The following RNGTT variants were observed in gnomAD, a reference collection of about 807,000 sequenced individuals.
RNGTT encodes mRNA-capping enzyme.
A neutral mutation model predicts 79.3 loss-of-function variants in RNGTT; 33 were observed. The ratio of observed to expected loss-of-function variants is 0.42; its 90% confidence interval spans 0.32 to 0.56. The LOEUF (loss-of-function observed/expected upper bound fraction) is 0.56, where lower values mean the gene tolerates loss of function less well. Ranked by LOEUF, RNGTT falls within the 20% of genes least tolerant of loss-of-function variation. RNGTT has a pLI of 0.17. For synonymous variants in RNGTT, 222 were observed against 235.9 expected (o/e 0.94, Z 0.54); for missense variants, 497 against 739.1 (o/e 0.67, Z 3.80).
rs568703935 is a variant in RNGTT at position 88,813,577 on chromosome 6, C to A, written c.1270-11945G>T. ...CCCTTTTGCTCGGTAACATTTTTAGCCTCATAATTACCATATACAGTAGGG... is the reference window on the plus strand; with the variant it reads ...CCCTTTTGCTCGGTAACATTTTTAGACTCATAATTACCATATACAGTAGGG... On this transcript the variant is annotated intron_variant, in intron 11 of 15. Coordinates refer to ENST00000369485, the MANE Select transcript of RNGTT (RefSeq NM_003800.5). Among the ~76,000 whole-genome samples the A allele has an allele frequency of 2.6e-5, 4 of 152,250 alleles. No homozygotes were observed. In the South Asian group the frequency reaches 8.3e-4, roughly 32 times the overall value.
chr6:88,787,991 T>TA (rs1435060150), intron 12 of RNGTT, among the ~76,000 whole-genome samples: 6 of 152,168 alleles, frequency 3.9e-5, no homozygotes, highest in African/African-American at 1.4e-4. Context: ...GAAATAGAGA[T>TA]AGAGTTTGTC....
intron 14 of RNGTT, among the ~76,000 whole-genome samples, chr6:88,662,417 C>T (rs1341961519): frequency 6.6e-6 from 1 of 152,248 alleles, no homozygotes; most frequent in Admixed American, 6.5e-5. Context: ...CACAATGTAT[C>T]ATGACCCTTT....
At chr6:88,644,967 A>T (rs1378526076) in intron 14 of RNGTT, among the ~76,000 whole-genome samples, 1 of 151,974 alleles carries the variant, frequency 6.6e-6, no homozygotes, top group Non-Finnish European at 1.5e-5. Flanking sequence ...CTCTCTCACC[A>T]CTCCTATTCA....
Position 88,929,066 on chromosome 6 carries a change from C to T in RNGTT, c.286G>A (p.Glu96Lys). 1 of 1,611,028 alleles carries T rather than the reference C, an allele frequency of 6.2e-7. No individual in the cohort carries two copies. The highest frequency in any genetic ancestry group is 8.5e-7 in the Non-Finnish European group (1 of 1,178,506). ...TCAGTATTCTCAGTGGTAGGGCACT[C>T]ACCATGTCTAGTAATATAGAAAAAG... ...YIKLQCKGHGECPTTENTETF... is the reference protein window; with the variant it reads ...YIKLQCKGHGKCPTTENTETF... The change falls in exon 4 of 16, where the codon GAG becomes AAG. Residue 96 changes from glutamate to lysine, a missense_variant. Glu to Lys is a moderately conservative substitution (Grantham distance 56, BLOSUM62 1). Transcript: ENST00000369485.
chr6:88,781,650 CCTAA>C lies in RNGTT; in HGVS notation c.1339-11780_1339-11777del, dbSNP rs569635556. On this transcript the variant is annotated intron_variant, in intron 12 of 15. Transcript: ENST00000369485. Reference sequence around the variant, plus strand: ...TTACTCCCAAATCTTCATCTTTTGTCCTAACTTTCTCCCAAATAAAAGTATGCCA... The same window carrying C: ...TTACTCCCAAATCTTCATCTTTTGTCCTTTCTCCCAAATAAAAGTATGCCA... 6.0e-4 allele frequency among the ~76,000 whole-genome samples: 91 copies of C among 152,244 alleles called. 2 individuals carry two copies. The South Asian group carries it at 0.018, about 30-fold the overall frequency.
At chr6:88,811,709 T>C (rs1404843196) in intron 11 of RNGTT, among the ~76,000 whole-genome samples, 1 of 152,182 alleles carries the variant, frequency 6.6e-6, no homozygotes, top group East Asian at 1.9e-4. Flanking sequence ...CAATTCATTA[T>C]AGTATGGAAA....
chr6:88,650,063 A>T (rs1487809741), intron 14 of RNGTT, among the ~76,000 whole-genome samples: 1 of 152,206 alleles, frequency 6.6e-6, no homozygotes, highest in Non-Finnish European at 1.5e-5. Flanking sequence ...GACTTTGCTT[A>T]AGATTTTTAC....
chr6:88,787,634 G>A (rs1424096479), intron 12 of RNGTT, among the ~76,000 whole-genome samples: 1 of 151,688 alleles, frequency 6.6e-6, no homozygotes, highest in Non-Finnish European at 1.5e-5. Context: ...ACTCCAGCCT[G>A]GGCAACAAGA....
chr6:88,889,332 C>G (rs2127933574), intron 8 of RNGTT, among the ~76,000 whole-genome samples: 1 of 152,138 alleles, frequency 6.6e-6, no homozygotes, highest in East Asian at 1.9e-4. Flanking sequence ...CTTAAACATT[C>G]TAGAAAGCAT....
At chr6:88,629,318 G>A (rs912329471) in intron 14 of RNGTT, among the ~76,000 whole-genome samples, 35 of 152,246 alleles carry the variant, frequency 2.3e-4, no homozygotes, top group Non-Finnish European at 3.7e-4. Context: ...CTGGTTTACC[G>A]GCTTTCACTT....
At chr6:88,901,567 C>T (rs897103688) in intron 6 of RNGTT, among the ~76,000 whole-genome samples, 6 of 125,716 alleles carry the variant, frequency 4.8e-5, no homozygotes, top group South Asian at 2.6e-4. Flanking sequence ...AGTGCAGTGG[C>T]GCGATCTCAG....
At chr6:88,958,260 T>C (rs1785500004) in intron 1 of RNGTT, among the ~76,000 whole-genome samples, 1 of 152,162 alleles carries the variant, frequency 6.6e-6, no homozygotes, top group Non-Finnish European at 1.5e-5. Flanking sequence ...TCTGAAACCA[T>C]AAAAATTCTA....
At chr6:88,675,846 T>C (rs1193264901) in intron 14 of RNGTT, among the ~76,000 whole-genome samples, 1 of 152,004 alleles carries the variant, frequency 6.6e-6, no homozygotes, top group East Asian at 1.9e-4. Context: ...AAATACAAAA[T>C]AGATAAATTT....
Position 88,886,975 on chromosome 6 carries a change from C to T in RNGTT, c.896+3520G>A, listed in dbSNP as rs193247786. 2.7e-3 allele frequency among the ~76,000 whole-genome samples: 405 copies of T among 149,590 alleles called. 2 individuals carry two copies. The highest frequency in any genetic ancestry group is 9.7e-3 in the African/African-American group (391 of 40,418). On this transcript the variant is annotated intron_variant, in intron 8 of 15. Coordinates refer to ENST00000369485, the MANE Select transcript of RNGTT (RefSeq NM_003800.5). Reference sequence around the variant, plus strand: ...CTTATAATCCCAGTACTTCAGGAGGCCAACAGGGAAGAATCACTTGAGGCC... The same window carrying T: ...CTTATAATCCCAGTACTTCAGGAGGTCAACAGGGAAGAATCACTTGAGGCC...
intron 11 of RNGTT, among the ~76,000 whole-genome samples, chr6:88,838,969 C>A (rs1781173179): frequency 6.6e-6 from 1 of 151,920 alleles, no homozygotes; most frequent in East Asian, 1.9e-4. Context: ...ACACAACAAA[C>A]TTCATTTTTT....
chr6:88,916,219 G>C (rs965375364), intron 4 of RNGTT, among the ~76,000 whole-genome samples: 1 of 152,178 alleles, frequency 6.6e-6, no homozygotes, highest in African/African-American at 2.4e-5. Context: ...TCATGCCTGT[G>C]ATCCCAGCAC....
At chr6:88,662,584 C>G (rs1448745200) in intron 14 of RNGTT, among the ~76,000 whole-genome samples, 1 of 152,224 alleles carries the variant, frequency 6.6e-6, no homozygotes, top group East Asian at 1.9e-4. Context: ...TGCAACCATT[C>G]CTGCTACATT....
intron 14 of RNGTT, among the ~76,000 whole-genome samples, chr6:88,656,936 A>T (rs1301000979): frequency 2.0e-5 from 3 of 152,078 alleles, no homozygotes; most frequent in Non-Finnish European, 4.4e-5. Context: ...TAAAAAATTT[A>T]AAAATTAGCT....
At chr6:88,689,354 C>G (rs913762604) in intron 13 of RNGTT, among the ~76,000 whole-genome samples, 1 of 152,090 alleles carries the variant, frequency 6.6e-6, no homozygotes, top group Non-Finnish European at 1.5e-5. Flanking sequence ...AATCCCAGCA[C>G]TTTGGGAGGT....
Sources: gnomAD v4.1 joint callset for allele counts (sites outside exome capture counted in the v4.1 genomes callset) on GRCh38, gnomAD v4.1.1 for gene constraint, MANE v1.5 for transcripts, NCBI Gene and HGNC (gene_info 2026-07-23, HGNC 2026-07-21) for gene names.